Variants in PEG3 observed in about 807,000 individuals in gnomAD.
PEG3 encodes the protein paternally-expressed gene 3 protein.
Under a neutral mutation model 35.5 loss-of-function variants are expected in PEG3, and 23 were observed. That is an observed-to-expected ratio of 0.65 (90% confidence interval 0.47 to 0.92). The LOEUF (loss-of-function observed/expected upper bound fraction) is 0.92. Among genes scored for constraint, PEG3 ranks in the 40% least tolerant of loss-of-function variants. PEG3 has a pLI of 0.00. For synonymous variants in PEG3, 707 were observed against 697.0 expected, an observed-to-expected ratio of 1.01 and a Z score of -0.23; for missense variants, 1,960 against 1,985.3, an observed-to-expected ratio of 0.99 and a Z score of 0.24.
At chr19:56,829,395 T>C (rs1461556594) in intron 2 of PEG3, among the ~76,000 whole-genome samples, 1 of 151,282 alleles carries the variant, frequency 6.6e-6, no homozygotes, top group African/African-American at 2.4e-5. Flanking sequence ...CCTTTGTATG[T>C]ACAGCTAATT....
At chr19:56,833,429 C>G (rs536042582) in intron 2 of PEG3, 2 of 335,064 alleles carry the variant, frequency 6.0e-6, no homozygotes, top group African/African-American at 4.3e-5. Context: ...CTCTGCAGAC[C>G]GACATTCTCT....
intron 2 of PEG3, chr19:56,833,384 G>A (rs898905792): frequency 1.7e-5 from 6 of 349,960 alleles, no homozygotes; most frequent in South Asian, 4.3e-5. Context: ...GTGTGGTCTC[G>A]TCTCTCTTCT....
chr19:56,824,260 A>G lies in PEG3; in HGVS notation c.394+2T>C. 1 of 1,612,858 alleles carries G rather than the reference A, an allele frequency of 6.2e-7. No individual in the cohort carries two copies. The highest frequency in any genetic ancestry group is 1.1e-5 in the South Asian group (1 of 91,032). On this transcript the variant is annotated splice_donor_variant, in intron 4 of 9. Transcript: ENST00000326441. LOFTEE classifies it high-confidence loss of function. ...CCACCAACACCCCGTGGAGACTCTC[A>G]CCTTCTGGTTGGTACATCTCCTTGT... is the stretch of plus-strand genomic sequence containing the variant.
rs751521035 is a variant in PEG3, at chr19:56,813,814, G to A, written c.4628C>T (p.Ser1543Leu). 1 of 1,614,114 alleles carries A rather than the reference G, an allele frequency of 6.2e-7. No individual in the cohort carries two copies. Among genetic ancestry groups the A allele is most frequent in the Non-Finnish European group, 8.5e-7 (1 of 1,180,016 alleles). Residue 1543 changes from serine to leucine, a missense_variant, in exon 10 of 10, where the codon TCA becomes TTA. Ser to Leu is a moderately radical substitution (Grantham distance 145). Transcript: ENST00000326441. ...GGTGCTGGCACGTTCGATGTAGCCT[G>A]AGCACTCCCCAAAGGCATTTGCAGG... is the stretch of plus-strand genomic sequence containing the variant. ...FEPANAFGECSGYIERASTST... is the reference protein window; with the variant it reads ...FEPANAFGECLGYIERASTST...
intron 1 of PEG3, among the ~76,000 whole-genome samples, chr19:56,836,800 G>C (rs541142303): frequency 6.6e-6 from 1 of 152,040 alleles, no homozygotes; most frequent in Non-Finnish European, 1.5e-5. Context: ...GAAACCCCTG[G>C]TCTACTAAAA....
At chr19:56,822,595 A>C in intron 6 of PEG3, 158 bp downstream of exon 6, 1 of 938,604 alleles carries the variant, frequency 1.1e-6, no homozygotes, top group South Asian at 1.7e-5. Flanking sequence ...TACCGAGTGG[A>C]ACTTCAAAAA....
At position 56,812,541 on chromosome 19, in the gene PEG3, A is replaced by G; in HGVS notation, c.*1134T>C. 1.0e-6 allele frequency: 1 copy of G among 985,836 alleles called. No individual in the cohort carries two copies. Among genetic ancestry groups the G allele is most frequent in the Non-Finnish European group, 1.2e-6 (1 of 829,918 alleles). The allele number at this position is 985,836 out of a possible 1,614,324, so 61.1% of individuals were successfully genotyped here. A position where few individuals can be genotyped will look rare whatever the true frequency, so the allele number is the denominator to read the frequency against. ...TCCTGGGCACCTAGGGTGCAAACTG[A>G]CTTGTGGCAGCATAAGCTGATGCTG... On this transcript the variant is annotated 3_prime_UTR_variant, in exon 10 of 10. Coordinates refer to ENST00000326441, the MANE Select transcript of PEG3 (RefSeq NM_006210.3).
In PEG3 at chr19:56,816,792, A is replaced by G. The variant is rs2060022208; in HGVS notation, c.1650T>C (p.Phe550=). 1.2e-6 allele frequency: 2 copies of G among 1,613,930 alleles called. No individual in the cohort carries two copies. Among genetic ancestry groups the G allele is most frequent in the African/African-American group, 1.3e-5 (1 of 74,876 alleles). The change falls in exon 10 of 10, where the codon TTT becomes TTC. Residue 550 remains phenylalanine (F), a synonymous_variant. Coordinates refer to ENST00000326441, the MANE Select transcript of PEG3 (RefSeq NM_006210.3). ...CEEAFMPSPT[F]SELQKIYGKD... is the part of the protein sequence containing the mutation. ...TGCCATATATTTTCTGAAGCTCACT[A>G]AAGGTGGGGCTAGGCATGAAGGCTT...
At position 56,818,709 on chromosome 19, in the gene PEG3, C is replaced by T; in HGVS notation, c.670-7G>A. The T allele has an allele frequency of 6.2e-7, 1 of 1,614,086 alleles. No individual in the cohort carries two copies. The highest frequency in any genetic ancestry group is 2.2e-5 in the East Asian group (1 of 44,882). ...TTTGGTATGATTCAGCATCCTAAAA[C>T]AGCAAACACAGACCTCTCAATGGAG... On this transcript the variant is annotated splice_polypyrimidine_tract_variant and splice_region_variant and intron_variant, in intron 7 of 9. Coordinates refer to ENST00000326441, the MANE Select transcript of PEG3 (RefSeq NM_006210.3).
chr19:56,815,801 G>A lies in PEG3; in HGVS notation c.2641C>T (p.Pro881Ser). 8 of 1,613,438 alleles carry A rather than the reference G, an allele frequency of 5.0e-6. No individual in the cohort carries two copies. The highest frequency in any genetic ancestry group is 6.8e-6 in the Non-Finnish European group (8 of 1,179,558). ...KRQKIPARENPCEGGSKNRNY... is the reference protein window; with the variant it reads ...KRQKIPARENSCEGGSKNRNY... ...CGATTCTTACTGCCCCCTTCACAAG[G>A]GTTCTCTCTGGCAGGAATCTTCTGT... is the stretch of plus-strand genomic sequence containing the variant. Residue 881 changes from proline to serine, a missense_variant, in exon 10 of 10, where the codon CCT becomes TCT. Physicochemically the swap from Pro to Ser is moderately conservative, Grantham distance 74. This residue lies in a region of PEG3 where 798 missense variants were observed against 782.4 expected (regional missense o/e 1.02). Transcript: ENST00000326441.
chr19:56,825,755 C>A (rs1002305475), intron 3 of PEG3, among the ~76,000 whole-genome samples: 5 of 152,060 alleles, frequency 3.3e-5, no homozygotes, highest in African/African-American at 9.7e-5. Context: ...AGAAAAAAAA[C>A]CATATGCAAC....
At position 56,815,486 on chromosome 19, in the gene PEG3, C is replaced by T. The variant is rs1409841606; in HGVS notation, c.2956G>A (p.Glu986Lys). 1 of 1,614,036 alleles carries T rather than the reference C, an allele frequency of 6.2e-7. No individual in the cohort carries two copies. The highest frequency in any genetic ancestry group is 1.3e-5 in the African/African-American group (1 of 74,918). The change falls in exon 10 of 10, where the codon GAG (glutamate) becomes AAG (lysine). Residue 986 changes from glutamate (E) to lysine (K), a missense_variant. Coordinates refer to ENST00000326441, the MANE Select transcript of PEG3 (RefSeq NM_006210.3). ...ECFAHSSDLT[E>K]HQKIHDREKP... The stretch of plus-strand genomic sequence containing the variant: ...TCCCTATCATGAATCTTCTGGTGCT[C>T]AGTGAGGTCAGAGCTATGAGCAAAG...
intron 2 of PEG3, among the ~76,000 whole-genome samples, chr19:56,830,220 T>C (rs1447741224): frequency 6.6e-6 from 1 of 152,220 alleles, no homozygotes; most frequent in Non-Finnish European, 1.5e-5. Flanking sequence ...TATTTGCATA[T>C]AGATGCAAAA....
Position 56,814,243 on chromosome 19 carries a change from T to G in PEG3, c.4199A>C (p.Glu1400Ala). The G allele has an allele frequency of 6.2e-7, 1 of 1,613,440 alleles. No individual in the cohort carries two copies. Among genetic ancestry groups the G allele is most frequent in the Non-Finnish European group, 8.5e-7 (1 of 1,179,924 alleles). ...AGCCTCCACTTCTGGCTCGGCAGCC[T>G]CCACTTCTGGCTCAGCAGCCTCTAC... ...LNVEAAEPEV[E>A]AAEPEVEAAE... Residue 1400 changes from glutamate to alanine, a missense_variant, in exon 10 of 10, where the codon GAG (glutamate) becomes GCG (alanine). By Grantham distance (107) the Glu-to-Ala change is moderately radical. Transcript: ENST00000326441. This position sits in a 1 kb window ranked among gnomAD's most constrained non-coding sequence, Gnocchi z 5.8.
chr19:56,827,806 C>T (rs752278187), intron 2 of PEG3, among the ~76,000 whole-genome samples: 7 of 151,990 alleles, frequency 4.6e-5, no homozygotes, highest in Non-Finnish European at 8.8e-5. Flanking sequence ...TAGTTAAGTG[C>T]AAAACCGGAC....
At chr19:56,831,572 C>T (rs1040434354) in intron 2 of PEG3, among the ~76,000 whole-genome samples, 1 of 152,226 alleles carries the variant, frequency 6.6e-6, no homozygotes, top group African/African-American at 2.4e-5. Flanking sequence ...CAGTGACAAA[C>T]ATACTTTGTT....
intron 1 of PEG3, 98 bp downstream of exon 1, chr19:56,840,484 C>T (rs1191951849): frequency 6.6e-6 from 1 of 152,252 alleles, no homozygotes; most frequent in Non-Finnish European, 1.5e-5. Flanking sequence ...GCCGCGGGGT[C>T]TTGGGCTTGC....
chr19:56,819,252 G>A (rs570875895), intron 7 of PEG3, among the ~76,000 whole-genome samples: 4 of 152,272 alleles, frequency 2.6e-5, no homozygotes, highest in South Asian at 2.1e-4. Flanking sequence ...CCTCCCTCCC[G>A]GTTTCTCCAT....
chr19:56,835,742 G>A (rs10419209), intron 2 of PEG3, among the ~76,000 whole-genome samples: 3,189 of 152,290 alleles, frequency 0.021, 113 homozygotes, highest in African/African-American at 0.072. Context: ...AATCTCTCAT[G>A]CTTCTTTAAT....
Sources: allele counts gnomAD v4.1 joint callset (sites outside exome capture counted in the v4.1 genomes callset), GRCh38; gene constraint gnomAD v4.1.1; regional missense constraint gnomAD v4.1.1; non-coding constraint Gnocchi (gnomAD v3.1); transcripts MANE v1.5; gene names NCBI Gene and HGNC (gene_info 2026-07-23, HGNC 2026-07-21).